AUTS2: variants seen among roughly 807,000 people sequenced by gnomAD.
AUTS2 encodes activator of transcription and developmental regulator AUTS2, also known as autism susceptibility gene 2 protein.
In AUTS2, 17 loss-of-function variants were observed where a neutral mutation model predicts 112.4. That is an observed-to-expected ratio of 0.15 (90% CI 0.10 to 0.23). The LOEUF is 0.23. AUTS2 is among the 10% of genes least tolerant of loss of function. AUTS2 has a pLI of 1.00. For synonymous variants in AUTS2, 751 were observed against 702.7 expected (o/e 1.07, Z -1.09); for missense variants, 1,510 against 1,701.6 (o/e 0.89, Z 1.98).
chr7:70,637,605 A>G (rs555345268), intron 5 of AUTS2, among the ~76,000 whole-genome samples: 62 of 152,302 alleles, frequency 4.1e-4, no homozygotes, highest in African/African-American at 1.1e-3. Context: ...ACAATTTGAG[A>G]ACCCCTTTTT....
At chr7:69,985,751 G>T (rs542329421) in intron 2 of AUTS2, among the ~76,000 whole-genome samples, 99 of 150,984 alleles carry the variant, frequency 6.6e-4, no homozygotes, top group Non-Finnish European at 1.1e-3. Context: ...ATCTAAGTTT[G>T]CCCCCTTTAC....
At chr7:70,157,608 C>T (rs1357931463) in intron 4 of AUTS2, among the ~76,000 whole-genome samples, 2 of 152,214 alleles carry the variant, frequency 1.3e-5, no homozygotes, top group Non-Finnish European at 2.9e-5. Flanking sequence ...AGCCACCACA[C>T]CTGGCTCTTT....
chr7:69,602,020 GTATATA>G (rs1173266676), intron 1 of AUTS2, among the ~76,000 whole-genome samples: 1 of 68,386 alleles, frequency 1.5e-5, no homozygotes, highest in African/African-American at 5.0e-5. Flanking sequence ...ATGTGTGTGT[GTATATA>G]TATATATATA....
chr7:70,778,571 T>TAAAA (rs796134070), intron 14 of AUTS2, among the ~76,000 whole-genome samples: 9 of 77,504 alleles, frequency 1.2e-4, no homozygotes, highest in African/African-American at 3.0e-4. Context: ...ATCTCATCTC[T>TAAAA]AAAAAAAAAA....
At chr7:70,363,108 G>T (rs1792350861) in intron 4 of AUTS2, among the ~76,000 whole-genome samples, 1 of 152,124 alleles carries the variant, frequency 6.6e-6, no homozygotes, top group Non-Finnish European at 1.5e-5. Flanking sequence ...TATTCCTCCT[G>T]ATATTTGTAA....
chr7:69,945,461 T>G (rs140397344), intron 2 of AUTS2, among the ~76,000 whole-genome samples: 2,718 of 152,306 alleles, frequency 0.018, 33 homozygotes, highest in Non-Finnish European at 0.031. Context: ...AGCTTTATAT[T>G]AAAGTATAAT....
intron 4 of AUTS2, among the ~76,000 whole-genome samples, chr7:70,359,356 G>A (rs1792153388): frequency 6.6e-6 from 1 of 152,116 alleles, no homozygotes; most frequent in South Asian, 2.1e-4. Flanking sequence ...TGGTTCATAG[G>A]CTTCTGTCTT....
chr7:70,407,730 G>A (rs939882411), intron 4 of AUTS2, among the ~76,000 whole-genome samples: 13 of 151,804 alleles, frequency 8.6e-5, no homozygotes, highest in African/African-American at 3.1e-4. Context: ...ACCGACCTGG[G>A]CAACAAAATG....
chr7:70,272,856 G>A (rs1257281902), intron 4 of AUTS2, among the ~76,000 whole-genome samples: 2 of 152,056 alleles, frequency 1.3e-5, no homozygotes, highest in Admixed American at 1.3e-4. Flanking sequence ...CAGGCAAGGT[G>A]GTGCACACTT....
At chr7:70,170,939 C>T (rs1262004251) in intron 4 of AUTS2, among the ~76,000 whole-genome samples, 1 of 152,100 alleles carries the variant, frequency 6.6e-6, no homozygotes, top group Non-Finnish European at 1.5e-5. Flanking sequence ...TATTTAATTC[C>T]CTTGCTTGCA....
rs913161461 is a variant in AUTS2 at position 70,694,954 on chromosome 7, C to G, written c.691-3615C>G. Reference sequence around the variant, plus strand: ...CTTCGTGTGTTTTGGTGGTTTCCCCCCTGGTCTTTGACGATCGCCCTTCGG... The same window carrying G: ...CTTCGTGTGTTTTGGTGGTTTCCCCGCTGGTCTTTGACGATCGCCCTTCGG... On this transcript the variant is annotated intron_variant, in intron 5 of 18. Coordinates refer to ENST00000342771, the MANE Select transcript of AUTS2 (RefSeq NM_015570.4). This position sits in a 1 kb window ranked among gnomAD's most constrained non-coding sequence, Gnocchi z 4.1. 2 of 152,482 alleles carry G rather than the reference C, an allele frequency of 1.3e-5. No homozygotes were observed. The highest frequency in any genetic ancestry group is 2.9e-5 in the Non-Finnish European group (2 of 68,304). 9.4% of individuals were successfully genotyped at this position (152,482 alleles called of 1,614,324 possible).
intron 2 of AUTS2, among the ~76,000 whole-genome samples, chr7:70,088,602 TTTG>T (rs1365153752): frequency 6.7e-5 from 10 of 149,314 alleles, no homozygotes; most frequent in Admixed American, 3.3e-4. Flanking sequence ...TGTTTGTTTG[TTTG>T]TTTGTTTTGT....
At position 70,622,270 on chromosome 7, in the gene AUTS2, T is replaced by C. The variant is rs552397880; in HGVS notation, c.691-76299T>C. On this transcript the variant is annotated intron_variant, in intron 5 of 18. Coordinates refer to ENST00000342771, the MANE Select transcript of AUTS2 (RefSeq NM_015570.4). ...TTCTCCAAGTTCTCTTAAAAATGCA[T>C]CTTTGACTTATATTCTCTCCTGCCT... Among the ~76,000 whole-genome samples the C allele has an allele frequency of 2.0e-4, 31 of 152,308 alleles. No homozygotes were observed. The South Asian group carries it at 3.1e-3, about 15-fold the overall frequency.
intron 5 of AUTS2, among the ~76,000 whole-genome samples, chr7:70,442,931 T>C (rs975773865): frequency 3.3e-5 from 5 of 152,246 alleles, no homozygotes; most frequent in African/African-American, 1.2e-4. Context: ...TTAATTACAT[T>C]GCATACATCC....
intron 2 of AUTS2, among the ~76,000 whole-genome samples, chr7:70,082,968 A>C (rs1345644732): frequency 6.6e-6 from 1 of 152,204 alleles, no homozygotes; most frequent in Non-Finnish European, 1.5e-5. Context: ...TAGTAAACAA[A>C]GCAGGAATAT....
In AUTS2 at chr7:69,869,732, A is replaced by G. The variant is rs17140987; in HGVS notation, c.310-29554A>G. On this transcript the variant is annotated intron_variant, in intron 1 of 18. Coordinates refer to ENST00000342771, the MANE Select transcript of AUTS2 (RefSeq NM_015570.4). The stretch of plus-strand genomic sequence containing the variant: ...CTAAAAGAGGCAAAGTCAATGACTG[A>G]ATTGAACATGGCATATCATCTCAAA... Among the ~76,000 whole-genome samples the G allele has an allele frequency of 3.0e-3, 454 of 152,306 alleles. 19 individuals carry two copies. In the East Asian group the frequency reaches 0.083, roughly 28 times the overall value.
rs145428977 is a variant in AUTS2 at position 70,489,517 on chromosome 7, C to T, written c.690+53736C>T. ...AACCTAGGACAAAGCCGTAGAGAGACGACAAAAATCAGGTTCCTGCTGTGC... is the reference window on the plus strand; with the variant it reads ...AACCTAGGACAAAGCCGTAGAGAGATGACAAAAATCAGGTTCCTGCTGTGC... On this transcript the variant is annotated intron_variant, in intron 5 of 18. Coordinates refer to ENST00000342771, the MANE Select transcript of AUTS2 (RefSeq NM_015570.4). Among the ~76,000 whole-genome samples the T allele has an allele frequency of 8.5e-3, 1,293 of 152,298 alleles. 15 individuals are homozygous for T. The highest frequency in any genetic ancestry group is 0.026 in the African/African-American group (1,098 of 41,550).
At chr7:70,495,226 C>T (rs1798405139) in intron 5 of AUTS2, among the ~76,000 whole-genome samples, 1 of 136,010 alleles carries the variant, frequency 7.4e-6, no homozygotes, top group Admixed American at 7.6e-5. Context: ...CTGTGAATAA[C>T]CTTTTCTTTA....
At chr7:69,766,032 A>G (rs1788406239) in intron 1 of AUTS2, among the ~76,000 whole-genome samples, 1 of 152,208 alleles carries the variant, frequency 6.6e-6, no homozygotes, top group African/African-American at 2.4e-5. Flanking sequence ...TATTTACATC[A>G]TTGTGCAACC....
Sources: allele counts gnomAD v4.1 joint callset (sites outside exome capture counted in the v4.1 genomes callset), GRCh38; gene constraint gnomAD v4.1.1; non-coding constraint Gnocchi (gnomAD v3.1); transcripts MANE v1.5; gene names NCBI Gene and HGNC (gene_info 2026-07-23, HGNC 2026-07-21).